IL7: variants seen among roughly 807,000 people sequenced by gnomAD.
IL7 encodes the protein interleukin-7.
Under a neutral mutation model 21.6 loss-of-function variants are expected in IL7, and 3 were observed. The ratio of observed to expected loss-of-function variants is 0.14; its 90% CI spans 0.06 to 0.36. The LOEUF (loss-of-function observed/expected upper bound fraction) is 0.36, where lower values mean the gene tolerates loss of function less well. Ranked by LOEUF, IL7 falls within the 10% of genes least tolerant of loss-of-function variation. The pLI, the probability that IL7 is intolerant of heterozygous loss-of-function variation, is 1.00. For missense variants in IL7, 175 were observed against 200.2 expected (o/e 0.87, Z 0.76); for synonymous variants, 62 against 68.1 (o/e 0.91, Z 0.44).
chr8:78,775,497 T>C (rs1813103041), intron 2 of IL7, among the ~76,000 whole-genome samples: 1 of 152,092 alleles, frequency 6.6e-6, no homozygotes, highest in Non-Finnish European at 1.5e-5. Flanking sequence ...TTTCTGACAT[T>C]GAATAGTTTT....
At chr8:78,799,573 C>G (rs145341290) in intron 1 of IL7, among the ~76,000 whole-genome samples, 338 of 152,088 alleles carry the variant, frequency 2.2e-3, no homozygotes, top group Middle Eastern at 6.8e-3. Context: ...ACTTAGGAGA[C>G]AGATAATGAT....
intron 2 of IL7, chr8:78,760,266 G>T: frequency 6.2e-7 from 1 of 1,606,986 alleles, no homozygotes; most frequent in Admixed American, 1.7e-5. Flanking sequence ...GTTAAGCAAA[G>T]CCAAGTTACT....
At chr8:78,744,806 G>A (rs1811921680) in intron 2 of IL7, among the ~76,000 whole-genome samples, 1 of 152,202 alleles carries the variant, frequency 6.6e-6, no homozygotes, top group South Asian at 2.1e-4. Flanking sequence ...CCCTGATGGA[G>A]TGGGTTCAAG....
chr8:78,700,089 A>G (rs1297715296), intron 3 of IL7, among the ~76,000 whole-genome samples: 2 of 152,200 alleles, frequency 1.3e-5, no homozygotes, highest in African/African-American at 4.8e-5. Flanking sequence ...CCAGCAATGT[A>G]TAAGCATTCC....
chr8:78,788,385 C>T (rs1813581097), intron 2 of IL7, among the ~76,000 whole-genome samples: 1 of 152,024 alleles, frequency 6.6e-6, no homozygotes, highest in Admixed American at 6.6e-5. Flanking sequence ...ATTTAATACC[C>T]TAAGCACTGC....
At chr8:78,739,965 C>A (rs991367450) in intron 3 of IL7, 37 bp downstream of exon 3, 3 of 1,479,138 alleles carry the variant, frequency 2.0e-6, no homozygotes, top group South Asian at 1.4e-5. Context: ...TCTATAAAAT[C>A]AAGCTTGAAT....
At chr8:78,761,298 C>G (rs1812547618) in intron 2 of IL7, 2 of 1,610,882 alleles carry the variant, frequency 1.2e-6, no homozygotes, top group African/African-American at 1.3e-5. Context: ...GCAACAGATA[C>G]TCCCATAACA....
In IL7 at chr8:78,790,112, G is replaced by A. The variant is rs142068279; in HGVS notation, c.147+7960C>T. On this transcript the variant is annotated intron_variant, in intron 2 of 5. Coordinates refer to ENST00000263851, the MANE Select transcript of IL7 (RefSeq NM_000880.4). ...GTTAAAGATATTGGAAGTTGTGAAA[G>A]TATATTATAACCGATTAGTCATTAG... 5.2e-3 allele frequency among the ~76,000 whole-genome samples: 788 copies of A among 152,268 alleles called. 10 individuals are homozygous for A. Among genetic ancestry groups the A allele is most frequent in the African/African-American group, 0.018 (761 of 41,552 alleles).
chr8:78,678,799 G>T (rs1809669147), intron 4 of IL7: 1 of 564,098 alleles, frequency 1.8e-6, no homozygotes, highest in East Asian at 3.3e-5. Context: ...TAAGATTAAA[G>T]AATAAATACA....
At chr8:78,710,725 A>G (rs1311689117) in intron 3 of IL7, among the ~76,000 whole-genome samples, 2 of 152,076 alleles carry the variant, frequency 1.3e-5, no homozygotes, top group East Asian at 3.8e-4. Flanking sequence ...GTTTCTTTGT[A>G]CTTTAACAAA....
intron 2 of IL7, among the ~76,000 whole-genome samples, chr8:78,754,186 C>A: frequency 6.6e-6 from 1 of 151,322 alleles, no homozygotes; most frequent in East Asian, 1.9e-4. Context: ...AGCTGATAAG[C>A]AACTTCAGCA....
intron 3 of IL7, chr8:78,712,180 T>C: frequency 4.9e-6 from 4 of 811,422 alleles, no homozygotes; most frequent in Non-Finnish European, 6.9e-6. Flanking sequence ...TGGAATAACA[T>C]AACTTTTACT....
chr8:78,699,068 G>GA (rs1170501540), intron 3 of IL7, among the ~76,000 whole-genome samples: 21 of 152,138 alleles, frequency 1.4e-4, no homozygotes, highest in African/African-American at 4.8e-4. Context: ...AGTAAATTAT[G>GA]AAAATCTATA....
chr8:78,744,580 T>C (rs917675486), intron 2 of IL7, among the ~76,000 whole-genome samples: 4 of 152,288 alleles, frequency 2.6e-5, no homozygotes, highest in South Asian at 4.1e-4. Context: ...TGAGGCACCA[T>C]GGAAGTAGGG....
rs536189600 is a variant in IL7 at position 78,766,320 on chromosome 8, A to G, written c.148-26238T>C. On this transcript the variant is annotated intron_variant, in intron 2 of 5. Coordinates refer to ENST00000263851, the MANE Select transcript of IL7 (RefSeq NM_000880.4). ...CCAAGAGTGAATCTTAATCTAAACT[A>G]TAGACTTTGGGTGACAATGATGTGT... Among the ~76,000 whole-genome samples, 8 of 152,206 alleles carry G rather than the reference A, an allele frequency of 5.3e-5. No homozygotes were observed. The South Asian group carries it at 1.5e-3, about 28-fold the overall frequency.
intron 2 of IL7, among the ~76,000 whole-genome samples, chr8:78,779,565 C>G (rs1563432727): frequency 1.3e-5 from 2 of 152,126 alleles, no homozygotes; most frequent in African/African-American, 4.8e-5. Flanking sequence ...GTTGCACCAG[C>G]CTTACATCCC....
At chr8:78,739,646 T>G in intron 3 of IL7, among the ~76,000 whole-genome samples, 1 of 150,464 alleles carries the variant, frequency 6.6e-6, no homozygotes, top group East Asian at 1.9e-4. Context: ...GAGCTGAGAT[T>G]GCGCCACTAC....
chr8:78,726,536 A>G (rs1811343563), intron 3 of IL7, among the ~76,000 whole-genome samples: 3 of 152,002 alleles, frequency 2.0e-5, no homozygotes, highest in Admixed American at 1.3e-4. Context: ...TAACCTGAAT[A>G]TACTTTTTAG....
At position 78,738,561 on chromosome 8, in the gene IL7, A is replaced by G; in HGVS notation, c.303T>C (p.Asp101=). 1.2e-6 allele frequency: 2 copies of G among 1,613,686 alleles called. No individual in the cohort carries two copies. Among genetic ancestry groups the G allele is most frequent in the Non-Finnish European group, 1.7e-6 (2 of 1,179,638 alleles). Residue 101 remains aspartate, a synonymous_variant, in exon 4 of 6, where the codon GAT becomes GAC. Transcript: ENST00000263851. ...CTTCTGAAACTTTTAATAAGTGGAG[A>G]TCAAAATCACCAGTGCTATTCATTT... ...FLKMNSTGDF[D]LHLLKVSEGT...
Sources: gnomAD v4.1 joint callset for allele counts (sites outside exome capture counted in the v4.1 genomes callset) on GRCh38, gnomAD v4.1.1 for gene constraint, MANE v1.5 for transcripts, NCBI Gene and HGNC (gene_info 2026-07-23, HGNC 2026-07-21) for gene names.